SCLT1: variants seen among roughly 807,000 people sequenced by gnomAD.
The protein encoded by SCLT1 is sodium channel and clathrin linker 1.
In SCLT1, 78 loss-of-function variants were observed where a neutral mutation model predicts 112.8. That is an observed-to-expected ratio of 0.69 (90% CI 0.58 to 0.83). SCLT1 has a LOEUF of 0.83. Among genes scored for constraint, SCLT1 ranks in the 40% least tolerant of loss-of-function variants. The pLI is 0.00. For synonymous variants in SCLT1, 257 were observed against 254.7 expected (o/e 1.01, Z -0.09); for missense variants, 747 against 770.4 (o/e 0.97, Z 0.36).
intron 17 of SCLT1, among the ~76,000 whole-genome samples, chr4:128,938,634 T>C (rs1337815472): frequency 6.6e-6 from 1 of 152,106 alleles, no homozygotes; most frequent in Non-Finnish European, 1.5e-5. Context: ...ACATCTCAGG[T>C]GGAAAACAAA....
chr4:128,953,088 C>A (rs555842268), intron 13 of SCLT1, among the ~76,000 whole-genome samples: 1 of 151,818 alleles, frequency 6.6e-6, no homozygotes, highest in South Asian at 2.1e-4. Context: ...CTTTTACCCA[C>A]AATTAAAAAA....
intron 2 of SCLT1, among the ~76,000 whole-genome samples, chr4:129,073,020 T>C (rs149027924): frequency 2.0e-5 from 3 of 152,288 alleles, no homozygotes; most frequent in Non-Finnish European, 2.9e-5. Context: ...CTCTGCCCCT[T>C]TTTCTATGGA....
At chr4:129,031,503 G>A (rs1384888885) in intron 5 of SCLT1, among the ~76,000 whole-genome samples, 2 of 152,056 alleles carry the variant, frequency 1.3e-5, no homozygotes, top group Non-Finnish European at 2.9e-5. Flanking sequence ...ATTCAAATAG[G>A]AAGAGAGGAA....
chr4:128,980,494 T>C (rs1306900807), intron 9 of SCLT1, among the ~76,000 whole-genome samples: 2 of 152,206 alleles, frequency 1.3e-5, no homozygotes, highest in African/African-American at 4.8e-5. Flanking sequence ...ATACTAAGAA[T>C]TGCATTCCTA....
chr4:128,894,251 T>C (rs1169282275), intron 18 of SCLT1, among the ~76,000 whole-genome samples: 1 of 151,996 alleles, frequency 6.6e-6, no homozygotes, highest in Admixed American at 6.6e-5. Context: ...TGCTTGTCAG[T>C]TGTACAGTCA....
intron 5 of SCLT1, among the ~76,000 whole-genome samples, chr4:129,005,355 A>C (rs1405812147): frequency 6.6e-6 from 1 of 152,236 alleles, no homozygotes; most frequent in Non-Finnish European, 1.5e-5. Context: ...AAAATATCAG[A>C]AACACTGAGA....
At chr4:129,006,936 G>A (rs1397214731) in intron 5 of SCLT1, among the ~76,000 whole-genome samples, 1 of 152,118 alleles carries the variant, frequency 6.6e-6, no homozygotes, top group East Asian at 1.9e-4. Context: ...CAACGCCGAC[G>A]TTATGTTATT....
chr4:128,960,695 T>C (rs996739017), intron 11 of SCLT1, among the ~76,000 whole-genome samples: 2 of 149,596 alleles, frequency 1.3e-5, no homozygotes, highest in African/African-American at 4.9e-5. Context: ...CCGAGGCGGG[T>C]GGATCATGAG....
At position 129,016,313 on chromosome 4, in the gene SCLT1, T is replaced by G. The variant is rs1050558369; in HGVS notation, c.291-12437A>C. ...TACATGCATTAACTATTTATCCTGA[T>G]GCTTTCCTCCCCCATCCCCCCATAC... On this transcript the variant is annotated intron_variant, in intron 5 of 20. Transcript: ENST00000281142. Among the ~76,000 whole-genome samples, 5 of 147,596 alleles carry G rather than the reference T, an allele frequency of 3.4e-5. No homozygotes were observed. In the South Asian group the frequency reaches 1.1e-3, roughly 34 times the overall value.
intron 9 of SCLT1, chr4:128,972,449 T>C (rs1276736378): frequency 1.0e-4 from 15 of 145,996 alleles, no homozygotes; most frequent in Admixed American, 4.8e-4. Flanking sequence ...AAAAAAAACC[T>C]GTTGGAGACA....
At chr4:128,991,567 C>A (rs753655412) in intron 9 of SCLT1, among the ~76,000 whole-genome samples, 2 of 151,520 alleles carry the variant, frequency 1.3e-5, no homozygotes, top group Non-Finnish European at 3.0e-5. Context: ...TTGTAAACTA[C>A]CCACTGGACA....
At chr4:129,011,583 A>ATT (rs34708944) in intron 5 of SCLT1, among the ~76,000 whole-genome samples, 166 of 149,500 alleles carry the variant, frequency 1.1e-3, no homozygotes, top group Admixed American at 3.5e-3. Context: ...ATACCTAAGC[A>ATT]TTTTTTTTTT....
At position 128,884,356 on chromosome 4, in the gene SCLT1, A is replaced by G; in HGVS notation, c.*121T>C. 1.6e-6 allele frequency: 1 copy of G among 624,150 alleles called. No individual in the cohort carries two copies. 38.7% of individuals were successfully genotyped at this position (624,150 alleles called of 1,614,324 possible). A position where few individuals can be genotyped will look rare whatever the true frequency, so the allele number is the denominator to read the frequency against. On this transcript the variant is annotated 3_prime_UTR_variant, in exon 21 of 21. Coordinates refer to ENST00000281142, the MANE Select transcript of SCLT1 (RefSeq NM_144643.4). ...CAATAACCCTCAAAACAGAACAACAATGCTTACGCGAAATAACACAAGCCT... is the reference window on the plus strand; with the variant it reads ...CAATAACCCTCAAAACAGAACAACAGTGCTTACGCGAAATAACACAAGCCT...
chr4:128,914,077 G>A (rs1735291513), intron 18 of SCLT1, among the ~76,000 whole-genome samples: 1 of 152,102 alleles, frequency 6.6e-6, no homozygotes. Flanking sequence ...TTTAAAACTA[G>A]TAATATTGCC....
At chr4:128,935,157 C>T (rs1016145568) in intron 18 of SCLT1, among the ~76,000 whole-genome samples, 2 of 151,950 alleles carry the variant, frequency 1.3e-5, no homozygotes, top group South Asian at 4.1e-4. Flanking sequence ...TGACATTGAG[C>T]CTAACTGGTA....
chr4:128,892,403 T>C lies in SCLT1; in HGVS notation c.1830-1266A>G, dbSNP rs1392081640. 2.0e-5 allele frequency among the ~76,000 whole-genome samples: 3 copies of C among 152,246 alleles called. No homozygotes were observed. The East Asian group carries it at 5.8e-4, about 29-fold the overall frequency. On this transcript the variant is annotated intron_variant, in intron 18 of 20. Coordinates refer to ENST00000281142, the MANE Select transcript of SCLT1 (RefSeq NM_144643.4). ...TCATTATTTCCAAGTAGAGAATTAA[T>C]TTGGATTTGGCTTAGGTGAAATCCT...
chr4:128,966,082 G>C (rs995272777), intron 10 of SCLT1, among the ~76,000 whole-genome samples: 1 of 150,542 alleles, frequency 6.6e-6, no homozygotes, highest in South Asian at 2.1e-4. Context: ...CACCCACCTC[G>C]GCCTCCCAAA....
intron 18 of SCLT1, among the ~76,000 whole-genome samples, chr4:128,900,735 C>G (rs1167177291): frequency 6.6e-6 from 1 of 152,144 alleles, no homozygotes; most frequent in African/African-American, 2.4e-5. Flanking sequence ...TCAGAGTGAA[C>G]AGGCAACCTA....
chr4:128,936,610 G>A, intron 18 of SCLT1, 45 bp downstream of exon 18: 1 of 1,241,882 alleles, frequency 8.1e-7, no homozygotes, highest in Middle Eastern at 2.0e-4. Context: ...ATAGGTTAAA[G>A]AATTTCTTCT....
Sources: gnomAD v4.1 joint callset for allele counts (sites outside exome capture counted in the v4.1 genomes callset) on GRCh38, gnomAD v4.1.1 for gene constraint, MANE v1.5 for transcripts, NCBI Gene and HGNC (gene_info 2026-07-23, HGNC 2026-07-21) for gene names.